CDH13: variants seen among roughly 807,000 people sequenced by gnomAD.
CDH13 encodes the protein cadherin 13.
Under a neutral mutation model 63.8 loss-of-function variants are expected in CDH13, and 24 were observed. That is an observed-to-expected ratio of 0.38 (90% CI 0.27 to 0.53). CDH13 has a LOEUF of 0.53. Ranked by LOEUF, CDH13 falls within the 20% of genes least tolerant of loss-of-function variation. The pLI, the probability that CDH13 is intolerant of heterozygous loss-of-function variation, is 0.85. For synonymous variants in CDH13, 503 were observed against 355.3 expected (o/e 1.42, Z -4.67); for missense variants, 1,049 against 903.1 (o/e 1.16, Z -2.07).
intron 1 of CDH13, among the ~76,000 whole-genome samples, chr16:82,680,280 G>T (rs1240412750): frequency 6.6e-6 from 1 of 152,240 alleles, no homozygotes; most frequent in Non-Finnish European, 1.5e-5. Flanking sequence ...ATGTGACTCT[G>T]TTCTAAGTAC....
chr16:82,676,590 A>T (rs1226844241), intron 1 of CDH13, among the ~76,000 whole-genome samples: 2 of 149,600 alleles, frequency 1.3e-5, no homozygotes, highest in African/African-American at 4.9e-5. Context: ...CTCCCCAACC[A>T]GAATGATTCT....
Position 83,436,538 on chromosome 16 carries a change from C to T in CDH13, c.782-49939C>T, listed in dbSNP as rs115733465. Among the ~76,000 whole-genome samples the T allele has an allele frequency of 4.9e-3, 746 of 152,146 alleles. 6 individuals are homozygous for T. The highest frequency in any genetic ancestry group is 0.017 in the African/African-American group (708 of 41,502). ...CTGTGTTGTCTTCATGCCATGGACA[C>T]CTTAATGCTTTCTTCAAAGCAGTAT... On this transcript the variant is annotated intron_variant, in intron 6 of 13. Coordinates refer to ENST00000567109, the MANE Select transcript of CDH13 (RefSeq NM_001257.5).
intron 2 of CDH13, among the ~76,000 whole-genome samples, chr16:83,002,460 G>T (rs1259646762): frequency 1.3e-5 from 2 of 152,166 alleles, no homozygotes; most frequent in East Asian, 3.9e-4. Context: ...TTCCAGAACT[G>T]CTAGAGAAAA....
chr16:83,102,948 C>CTTTTT (rs71148813), intron 3 of CDH13, among the ~76,000 whole-genome samples: 11 of 69,024 alleles, frequency 1.6e-4, no homozygotes, highest in South Asian at 5.7e-4. Flanking sequence ...TTTTCTTTTT[C>CTTTTT]TTTTTTTTTT....
intron 1 of CDH13, among the ~76,000 whole-genome samples, chr16:82,790,613 G>A (rs558789406): frequency 4.7e-4 from 71 of 152,236 alleles, no homozygotes; most frequent in African/African-American, 1.6e-3. Context: ...GTTGCTTTAA[G>A]GAAATACCGG....
intron 5 of CDH13, among the ~76,000 whole-genome samples, chr16:83,269,024 C>T (rs1384391304): frequency 1.3e-5 from 2 of 152,200 alleles, no homozygotes; most frequent in South Asian, 2.1e-4. Context: ...TTAGCTTCAG[C>T]AATCAACTAC....
chr16:82,909,502 G>T (rs954985266), intron 2 of CDH13, among the ~76,000 whole-genome samples: 1 of 149,640 alleles, frequency 6.7e-6, no homozygotes, highest in Non-Finnish European at 1.5e-5. Context: ...CCATACCCGA[G>T]ACTGGGTAAT....
intron 6 of CDH13, among the ~76,000 whole-genome samples, chr16:83,382,259 G>A (rs1313566155): frequency 1.3e-5 from 2 of 152,124 alleles, no homozygotes; most frequent in African/African-American, 2.4e-5. Context: ...AATGAACATT[G>A]ACCAATACTA....
intron 3 of CDH13, among the ~76,000 whole-genome samples, chr16:83,075,746 C>G (rs2151551121): frequency 6.6e-6 from 1 of 152,286 alleles, no homozygotes; most frequent in East Asian, 1.9e-4. Flanking sequence ...CTTGGGAATA[C>G]TTTGACTTGT....
chr16:83,054,485 G>C (rs1382975414), intron 3 of CDH13, among the ~76,000 whole-genome samples: 2 of 152,150 alleles, frequency 1.3e-5, no homozygotes, highest in Non-Finnish European at 2.9e-5. Context: ...GTACAGTGTG[G>C]ATACACCGGA....
intron 10 of CDH13, among the ~76,000 whole-genome samples, chr16:83,707,694 C>T (rs920087960): frequency 6.6e-6 from 1 of 151,818 alleles, no homozygotes; most frequent in African/African-American, 2.4e-5. Context: ...CCGCACTGTG[C>T]TATTGATCTG....
chr16:83,097,181 G>C (rs1226343430), intron 3 of CDH13, among the ~76,000 whole-genome samples: 1 of 152,120 alleles, frequency 6.6e-6, no homozygotes, highest in Non-Finnish European at 1.5e-5. Context: ...TTATTAAAAG[G>C]AAGCATTGAG....
intron 5 of CDH13, among the ~76,000 whole-genome samples, chr16:83,239,245 G>C (rs1904294462): frequency 6.6e-6 from 1 of 152,162 alleles, no homozygotes; most frequent in South Asian, 2.1e-4. Context: ...GAGAGCAGCA[G>C]GTTCAGCTCC....
chr16:83,389,639 C>T (rs781633120), intron 6 of CDH13, among the ~76,000 whole-genome samples: 68 of 152,210 alleles, frequency 4.5e-4, no homozygotes, highest in Non-Finnish European at 8.1e-4. Context: ...CTGGTCACTT[C>T]CTTATGGTGT....
intron 6 of CDH13, among the ~76,000 whole-genome samples, chr16:83,379,243 G>A (rs568801825): frequency 5.9e-5 from 9 of 152,146 alleles, no homozygotes; most frequent in Non-Finnish European, 1.2e-4. Context: ...GAAGGGCACT[G>A]ACTACCTCTC....
chr16:82,913,440 T>G (rs1247255369), intron 2 of CDH13, among the ~76,000 whole-genome samples: 1 of 152,138 alleles, frequency 6.6e-6, no homozygotes. Context: ...TACCTGCCCC[T>G]CCTCCTTACC....
At chr16:83,636,063 T>A (rs1260872943) in intron 8 of CDH13, among the ~76,000 whole-genome samples, 1 of 151,286 alleles carries the variant, frequency 6.6e-6, no homozygotes, top group Non-Finnish European at 1.5e-5. Flanking sequence ...GAAATAGCTA[T>A]CCTTCTTCCA....
rs1911906018 is a variant in CDH13, at chr16:83,739,943, G to A, written c.1539-8165G>A. The A allele has an allele frequency of 3.3e-5, 5 of 152,344 alleles. No individual in the cohort carries two copies. In the South Asian group the frequency reaches 1.0e-3, roughly 32 times the overall value. The allele number at this position is 152,344 out of a possible 1,614,324, so 9.4% of individuals were successfully genotyped here. A position where few individuals can be genotyped will look rare whatever the true frequency, so the allele number is the denominator to read the frequency against. On this transcript the variant is annotated intron_variant, in intron 10 of 13. Transcript: ENST00000567109. ...ATTCTAAGTTGTAGAGCTGGCCAGG[G>A]AAGGAGGCAGACTTCAGAGAGACCA...
chr16:83,687,562 A>G (rs973779534), intron 10 of CDH13, among the ~76,000 whole-genome samples: 1 of 152,178 alleles, frequency 6.6e-6, no homozygotes, highest in Admixed American at 6.5e-5. Flanking sequence ...AGGCTCCAAC[A>G]TTGGAGATTA....
Sources: gnomAD v4.1 joint callset for allele counts (sites outside exome capture counted in the v4.1 genomes callset) on GRCh38, gnomAD v4.1.1 for gene constraint, MANE v1.5 for transcripts, NCBI Gene and HGNC (gene_info 2026-07-23, HGNC 2026-07-21) for gene names.